The following GABRB1 variants were observed in gnomAD, a reference collection of about 807,000 sequenced individuals.
The protein encoded by GABRB1 is gamma-aminobutyric acid receptor subunit beta-1.
A neutral mutation model predicts 51.6 loss-of-function variants in GABRB1; 17 were observed. That is an observed-to-expected ratio of 0.33 (90% confidence interval 0.23 to 0.49). GABRB1 has a LOEUF of 0.49. GABRB1 is among the 20% of genes least tolerant of loss of function. The probability of loss-of-function intolerance (pLI) is 0.99; values close to 1 mark genes in which losing one functional copy is unlikely to be tolerated. For synonymous variants in GABRB1, 247 were observed against 218.9 expected, an observed-to-expected ratio of 1.13 and a Z score of -1.14; for missense variants, 410 against 600.6, an observed-to-expected ratio of 0.68 and a Z score of 3.32.
chr4:47,385,933 G>A (rs1030628717), intron 5 of GABRB1, among the ~76,000 whole-genome samples: 25 of 152,110 alleles, frequency 1.6e-4, no homozygotes, highest in Non-Finnish European at 2.9e-5. Context: ...AGACACATAG[G>A]GCAAAGAATG....
intron 3 of GABRB1, among the ~76,000 whole-genome samples, chr4:47,144,463 T>C (rs1291122360): frequency 6.6e-6 from 1 of 151,934 alleles, no homozygotes; most frequent in Non-Finnish European, 1.5e-5. Context: ...AGTGGTAATG[T>C]GAGAACAATT....
At chr4:47,385,194 C>G (rs1727746884) in intron 5 of GABRB1, among the ~76,000 whole-genome samples, 1 of 152,172 alleles carries the variant, frequency 6.6e-6, no homozygotes, top group Admixed American at 6.5e-5. Context: ...ACTAGTTGAA[C>G]AGCAAGATCC....
At chr4:46,995,386 A>T (rs1723959705) in intron 1 of GABRB1, among the ~76,000 whole-genome samples, 1 of 152,164 alleles carries the variant, frequency 6.6e-6, no homozygotes, top group African/African-American at 2.4e-5. Context: ...TAAAAAGAGA[A>T]TTTAGCTCTG....
intron 1 of GABRB1, among the ~76,000 whole-genome samples, chr4:47,003,400 G>T (rs1257432376): frequency 6.6e-6 from 1 of 152,060 alleles, no homozygotes; most frequent in Non-Finnish European, 1.5e-5. Flanking sequence ...ATTTATTTTT[G>T]TAAGACCCAA....
At chr4:47,201,919 C>A (rs1719912025) in intron 4 of GABRB1, among the ~76,000 whole-genome samples, 1 of 152,044 alleles carries the variant, frequency 6.6e-6, no homozygotes, top group African/African-American at 2.4e-5. Flanking sequence ...TAAAAAAGTA[C>A]TCTTGTAGCC....
At chr4:47,349,607 G>C (rs1376712935) in intron 5 of GABRB1, among the ~76,000 whole-genome samples, 3 of 152,114 alleles carry the variant, frequency 2.0e-5, no homozygotes, top group Non-Finnish European at 4.4e-5. Flanking sequence ...TTGTCCGGTG[G>C]ATCCACGCCG....
At chr4:47,164,469 T>G (rs1161698743) in intron 4 of GABRB1, among the ~76,000 whole-genome samples, 1 of 152,050 alleles carries the variant, frequency 6.6e-6, no homozygotes, top group Non-Finnish European at 1.5e-5. Flanking sequence ...CATGAGTAAT[T>G]AAGAGAATCA....
chr4:47,080,757 A>T (rs951843987), intron 3 of GABRB1, among the ~76,000 whole-genome samples: 3 of 152,178 alleles, frequency 2.0e-5, no homozygotes, highest in African/African-American at 7.2e-5. Flanking sequence ...AGACAAATTG[A>T]TTAATCAAAA....
chr4:46,997,911 G>A (rs1201925736), intron 1 of GABRB1, among the ~76,000 whole-genome samples: 1 of 152,152 alleles, frequency 6.6e-6, no homozygotes, highest in Non-Finnish European at 1.5e-5. Context: ...TCTACAAGAT[G>A]CTGATTTTAT....
At chr4:47,133,534 G>A (rs1031447776) in intron 3 of GABRB1, among the ~76,000 whole-genome samples, 11 of 152,136 alleles carry the variant, frequency 7.2e-5, no homozygotes, top group African/African-American at 2.7e-4. Context: ...TCTAATCCAG[G>A]AGGACACATG....
intron 4 of GABRB1, among the ~76,000 whole-genome samples, chr4:47,303,994 C>T (rs952698277): frequency 6.6e-6 from 1 of 151,992 alleles, no homozygotes; most frequent in African/African-American, 2.4e-5. Context: ...GACAAGACTT[C>T]CTTCTTTAAG....
chr4:47,375,390 A>T (rs1727342737), intron 5 of GABRB1, among the ~76,000 whole-genome samples: 1 of 152,176 alleles, frequency 6.6e-6, no homozygotes, highest in Non-Finnish European at 1.5e-5. Context: ...AAAACAGGGA[A>T]ATTTGAAAGA....
intron 3 of GABRB1, among the ~76,000 whole-genome samples, chr4:47,053,210 T>C (rs1208149549): frequency 6.6e-6 from 1 of 152,206 alleles, no homozygotes; most frequent in Non-Finnish European, 1.5e-5. Flanking sequence ...TTCAAACATA[T>C]GTCTTTGTCT....
intron 4 of GABRB1, among the ~76,000 whole-genome samples, chr4:47,242,573 G>A (rs1457218971): frequency 2.6e-5 from 4 of 152,002 alleles, no homozygotes; most frequent in African/African-American, 9.7e-5. Flanking sequence ...TTTAATAATC[G>A]CTATTCTAAC....
intron 5 of GABRB1, among the ~76,000 whole-genome samples, chr4:47,384,024 G>C (rs1425422041): frequency 6.6e-6 from 1 of 152,008 alleles, no homozygotes; most frequent in Non-Finnish European, 1.5e-5. Context: ...GATCTTGAGT[G>C]CCCTCTACAG....
intron 3 of GABRB1, among the ~76,000 whole-genome samples, chr4:47,084,109 A>G (rs1351914587): frequency 6.6e-6 from 1 of 152,194 alleles, no homozygotes; most frequent in Non-Finnish European, 1.5e-5. Flanking sequence ...ATGAATGTAA[A>G]CCAGCTATGG....
chr4:47,111,576 A>T lies in GABRB1; in HGVS notation c.241-49673A>T, dbSNP rs1010657526. Among the ~76,000 whole-genome samples, 3 of 152,104 alleles carry T rather than the reference A, an allele frequency of 2.0e-5. No individual in the cohort carries two copies. In the South Asian group the frequency reaches 6.2e-4, roughly 32 times the overall value. On this transcript the variant is annotated intron_variant, in intron 3 of 8. Transcript: ENST00000295454. ...AAAAATACATCCTTATTAGAAATCC[A>T]TTGCAGGCCAAGCATGGTGGCTCAC...
intron 4 of GABRB1, among the ~76,000 whole-genome samples, chr4:47,202,263 C>T (rs544788989): frequency 1.2e-4 from 18 of 152,276 alleles, no homozygotes; most frequent in South Asian, 4.1e-4. Flanking sequence ...CATCCTGCCA[C>T]CTTGTGAAGA....
chr4:47,417,229 T>C (rs1728956235), intron 8 of GABRB1, among the ~76,000 whole-genome samples: 2 of 152,164 alleles, frequency 1.3e-5, no homozygotes. Flanking sequence ...ACATCTAAAC[T>C]AGTGTTTGAC....
Sources: gnomAD v4.1 joint callset for allele counts (sites outside exome capture counted in the v4.1 genomes callset) on GRCh38, gnomAD v4.1.1 for gene constraint, MANE v1.5 for transcripts, NCBI Gene and HGNC (gene_info 2026-07-23, HGNC 2026-07-21) for gene names.